The following ZEB2 variants were observed in gnomAD, a reference collection of about 807,000 sequenced individuals.
The protein encoded by ZEB2 is zinc finger E-box-binding homeobox 2.
Under a neutral mutation model 99.9 loss-of-function variants are expected in ZEB2, and 6 were observed. The ratio of observed to expected loss-of-function variants is 0.06; its 90% CI spans 0.03 to 0.12. ZEB2 has a LOEUF of 0.12. ZEB2 is among the 10% of genes least tolerant of loss of function. The pLI, the probability that ZEB2 is intolerant of heterozygous loss-of-function variation, is 1.00. For missense variants in ZEB2, 969 were observed against 1,502.8 expected (o/e 0.64, Z 5.87); for synonymous variants, 517 against 542.5 (o/e 0.95, Z 0.65).
intron 4 of ZEB2, among the ~76,000 whole-genome samples, chr2:144,406,025 TATC>T (rs749016256): frequency 6.6e-6 from 1 of 152,250 alleles, no homozygotes; most frequent in Non-Finnish European, 1.5e-5. Context: ...GGAATCCTAT[TATC>T]ATAGTTTTTG....
chr2:144,408,355 A>C (rs1050222634), intron 4 of ZEB2, among the ~76,000 whole-genome samples: 2 of 152,242 alleles, frequency 1.3e-5, no homozygotes, highest in African/African-American at 2.4e-5. Context: ...CTTAGACCTA[A>C]TACTCAGGCA....
intron 2 of ZEB2, among the ~76,000 whole-genome samples, chr2:144,484,523 C>A (rs911296487): frequency 6.6e-6 from 1 of 152,178 alleles, no homozygotes; most frequent in African/African-American, 2.4e-5. Context: ...TAGTGGAAGA[C>A]ACATGGCCTA....
chr2:144,424,669 A>G lies in ZEB2; in HGVS notation c.403+127T>C. On this transcript the variant is annotated intron_variant, in intron 4 of 9. Transcript: ENST00000627532. ...ATTTTGATTTGAAACAAAACCAGAG[A>G]CCTGTAAAGTTGACTACTTGTTAAG... is the stretch of plus-strand genomic sequence containing the variant. The G allele has an allele frequency of 3.6e-6, 4 of 1,110,076 alleles. No homozygotes were observed. In the South Asian group the frequency reaches 5.2e-5, roughly 14 times the overall value. 68.8% of individuals were successfully genotyped at this position (1,110,076 alleles called of 1,614,324 possible). A position where few individuals can be genotyped will look rare whatever the true frequency, so the allele number is the denominator to read the frequency against.
At chr2:144,494,875 G>A (rs1437341243) in intron 2 of ZEB2, 3 of 152,070 alleles carry the variant, frequency 2.0e-5, no homozygotes. Flanking sequence ...CCTGATATTA[G>A]AGATTGTTTT....
intron 2 of ZEB2, among the ~76,000 whole-genome samples, chr2:144,436,724 T>C (rs1282035885): frequency 5.9e-5 from 9 of 152,172 alleles, no homozygotes; most frequent in Non-Finnish European, 1.3e-4. Flanking sequence ...GGTAATAACA[T>C]CTTAGATATG....
chr2:144,402,390 G>C (rs1424001654), intron 6 of ZEB2, among the ~76,000 whole-genome samples: 1 of 152,100 alleles, frequency 6.6e-6, no homozygotes, highest in Non-Finnish European at 1.5e-5. Flanking sequence ...AGGGAGGTTT[G>C]TTCAAACAGC....
At chr2:144,461,154 G>C (rs560851017) in intron 2 of ZEB2, 44 of 146,788 alleles carry the variant, frequency 3.0e-4, no homozygotes, top group African/African-American at 1.0e-3. Flanking sequence ...GCTGGGCTTT[G>C]TACTGGATAA....
chr2:144,463,253 T>C (rs1042797015), intron 2 of ZEB2: 6 of 152,232 alleles, frequency 3.9e-5, no homozygotes, highest in Non-Finnish European at 8.8e-5. Context: ...CTATATAATA[T>C]AAACTCAGTC....
At chr2:144,397,982 C>T (rs1372096712) in intron 8 of ZEB2, 3 of 363,218 alleles carry the variant, frequency 8.3e-6, no homozygotes, top group African/African-American at 6.4e-5. Flanking sequence ...TAAACTTTAA[C>T]TTCTAGCACC....
Position 144,399,780 on chromosome 2 carries a change from A to G in ZEB2, c.1407T>C (p.Asn469=), listed in dbSNP as rs757928608. ...EVQKVLQIVD[N]TVSRQKMDCK... ...AGTCCATTTTTTGCCTGGAAACAGT[A>G]TTGTCCACAATCTGTAGAACCTTTT... is the stretch of plus-strand genomic sequence containing the variant. The change falls in exon 8 of 10, where the codon AAT becomes AAC. Residue 469 remains asparagine, a synonymous_variant. Transcript: ENST00000627532. This position sits in a 1 kb window ranked among gnomAD's most constrained non-coding sequence, Gnocchi z 5.6. 11 of 1,613,996 alleles carry G rather than the reference A, an allele frequency of 6.8e-6. No individual in the cohort carries two copies. In the Admixed American group the frequency reaches 1.5e-4, roughly 22 times the overall value.
At chr2:144,456,931 C>T (rs1035467663) in intron 2 of ZEB2, among the ~76,000 whole-genome samples, 14 of 152,120 alleles carry the variant, frequency 9.2e-5, no homozygotes, top group Non-Finnish European at 1.9e-4. Flanking sequence ...AAGTTTCCCT[C>T]CTGTCTTTTC....
chr2:144,511,833 G>C (rs1355731209), intron 2 of ZEB2: 9 of 1,287,054 alleles, frequency 7.0e-6, no homozygotes, highest in Non-Finnish European at 9.1e-6. Context: ...ATATTTATTG[G>C]TTTAAATCAT....
rs1409511085 is a variant in ZEB2, at chr2:144,387,545, G to A, written c.*1906C>T. 3 of 152,018 alleles carry A rather than the reference G, an allele frequency of 2.0e-5. No homozygotes were observed. The highest frequency in any genetic ancestry group is 4.4e-5 in the Non-Finnish European group (3 of 68,012). The allele number at this position is 152,018 out of a possible 1,614,324, so 9.4% of individuals were successfully genotyped here. A position where few individuals can be genotyped will look rare whatever the true frequency, so the allele number is the denominator to read the frequency against. Reference sequence around the variant, plus strand: ...CCACGCCTTCTAGTTTCAGATAAACGGTAAACTACTGTCTGCATTTCAAAA... The same window carrying A: ...CCACGCCTTCTAGTTTCAGATAAACAGTAAACTACTGTCTGCATTTCAAAA... On this transcript the variant is annotated 3_prime_UTR_variant, in exon 10 of 10. Transcript: ENST00000627532.
At chr2:144,475,169 G>A (rs1163556407) in intron 2 of ZEB2, among the ~76,000 whole-genome samples, 1 of 152,098 alleles carries the variant, frequency 6.6e-6, no homozygotes, top group Non-Finnish European at 1.5e-5. Flanking sequence ...CAAATGTCCT[G>A]CCCTGTTTTG....
chr2:144,398,151 T>G, intron 8 of ZEB2, 150 bp downstream of exon 8: 2 of 915,370 alleles, frequency 2.2e-6, no homozygotes, highest in African/African-American at 1.7e-5. Context: ...CATCCATTGT[T>G]CTAGCCCACT....
At chr2:144,435,816 C>T (rs1422296533) in intron 2 of ZEB2, among the ~76,000 whole-genome samples, 6 of 152,062 alleles carry the variant, frequency 3.9e-5, no homozygotes, top group Admixed American at 6.6e-5. Context: ...TCCTTGTCTT[C>T]CCCACAAAAT....
intron 2 of ZEB2, among the ~76,000 whole-genome samples, chr2:144,466,405 A>G (rs1199059998): frequency 6.6e-6 from 1 of 152,200 alleles, no homozygotes; most frequent in Non-Finnish European, 1.5e-5. Context: ...AATTAGTGAG[A>G]ACACATTTTA....
At chr2:144,455,544 G>GA (rs1704110997) in intron 2 of ZEB2, among the ~76,000 whole-genome samples, 1 of 152,036 alleles carries the variant, frequency 6.6e-6, no homozygotes, top group African/African-American at 2.4e-5. Flanking sequence ...TGCCAAAAGA[G>GA]AAAAAACAAA....
intron 2 of ZEB2, among the ~76,000 whole-genome samples, chr2:144,492,939 TGC>T (rs1479292029): frequency 6.6e-6 from 1 of 152,226 alleles, no homozygotes; most frequent in African/African-American, 2.4e-5. Context: ...TGGGCAAGAC[TGC>T]CCTCAAGCCA....
Sources: allele counts gnomAD v4.1 joint callset (sites outside exome capture counted in the v4.1 genomes callset), GRCh38; gene constraint gnomAD v4.1.1; non-coding constraint Gnocchi (gnomAD v3.1); transcripts MANE v1.5; gene names NCBI Gene and HGNC (gene_info 2026-07-23, HGNC 2026-07-21).